Variants in ZFHX3 observed in about 807,000 individuals in gnomAD.
ZFHX3 encodes the protein zinc finger homeobox 3.
Under a neutral mutation model 279.1 loss-of-function variants are expected in ZFHX3, and 42 were observed. The observed-to-expected ratio is 0.15, with a 90% CI of 0.12 to 0.19. The LOEUF (loss-of-function observed/expected upper bound fraction) is 0.19. Among genes scored for constraint, ZFHX3 ranks in the 10% least tolerant of loss-of-function variants. The pLI is 1.00. For synonymous variants in ZFHX3, 2,293 were observed against 1,957.8 expected, an observed-to-expected ratio of 1.17 and a Z score of -4.52; for missense variants, 4,981 against 4,754.0, an observed-to-expected ratio of 1.05 and a Z score of -1.40.
intron 1 of ZFHX3, among the ~76,000 whole-genome samples, chr16:73,040,990 C>T (rs745954281): frequency 6.6e-6 from 1 of 152,178 alleles, no homozygotes; most frequent in African/African-American, 2.4e-5. Flanking sequence ...GGTGTAAGGC[C>T]CATAGCAGAG....
intron 1 of ZFHX3, among the ~76,000 whole-genome samples, chr16:73,738,381 T>C (rs1194959068): frequency 6.6e-6 from 1 of 152,182 alleles, no homozygotes; most frequent in African/African-American, 2.4e-5. Context: ...GCGACTAAAA[T>C]GAGCTGAAGC....
At chr16:73,482,916 T>G (rs1438850625) in intron 2 of ZFHX3, among the ~76,000 whole-genome samples, 3 of 152,194 alleles carry the variant, frequency 2.0e-5, no homozygotes, top group African/African-American at 7.2e-5. Context: ...GTCAATAAAA[T>G]TAGCAGCTTG....
intron 2 of ZFHX3, among the ~76,000 whole-genome samples, chr16:73,595,934 T>C (rs1380737817): frequency 1.3e-5 from 2 of 152,202 alleles, no homozygotes; most frequent in African/African-American, 4.8e-5. Context: ...CTATTTCCAC[T>C]GCCCTATGCC....
At chr16:73,712,906 T>C (rs1036298318) in intron 1 of ZFHX3, among the ~76,000 whole-genome samples, 8 of 152,174 alleles carry the variant, frequency 5.3e-5, no homozygotes, top group African/African-American at 1.9e-4. Context: ...TTGCGCTAGC[T>C]TGAGGTCCTA....
At chr16:72,945,304 C>T (rs1439238736) in intron 3 of ZFHX3, among the ~76,000 whole-genome samples, 1 of 152,164 alleles carries the variant, frequency 6.6e-6, no homozygotes, top group Non-Finnish European at 1.5e-5. Context: ...CAAGCCCTGC[C>T]CCCCAAACTA....
intron 6 of ZFHX3, among the ~76,000 whole-genome samples, chr16:73,141,173 T>C (rs1966846959): frequency 6.6e-6 from 1 of 152,202 alleles, no homozygotes; most frequent in African/African-American, 2.4e-5. Context: ...GTTTGCCGAC[T>C]GGGTGAATGG....
At chr16:73,800,499 G>A (rs1180962705) in intron 1 of ZFHX3, among the ~76,000 whole-genome samples, 2 of 152,136 alleles carry the variant, frequency 1.3e-5, no homozygotes, top group Non-Finnish European at 2.9e-5. Flanking sequence ...TTACAGGCAT[G>A]AGCCACCGTG....
At chr16:73,426,919 T>C (rs1179357955) in intron 3 of ZFHX3, among the ~76,000 whole-genome samples, 1 of 152,128 alleles carries the variant, frequency 6.6e-6, no homozygotes, top group East Asian at 1.9e-4. Flanking sequence ...GTCAACGTGT[T>C]GATTATTCTG....
At chr16:73,538,142 T>A (rs1597373920) in intron 2 of ZFHX3, among the ~76,000 whole-genome samples, 1 of 152,186 alleles carries the variant, frequency 6.6e-6, no homozygotes, top group African/African-American at 2.4e-5. Context: ...ACGCAGCACC[T>A]CATCACGGCA....
Position 73,088,902 on chromosome 16 carries a change from T to A in ZFHX3, c.-533+4333A>T, listed in dbSNP as rs192175340. ...GAAAGGGAAGTCAGACTGTTTAGTATCCATGGTGGGGGTCCAGGGCAGGTG... is the reference window on the plus strand; with the variant it reads ...GAAAGGGAAGTCAGACTGTTTAGTAACCATGGTGGGGGTCCAGGGCAGGTG... On this transcript the variant is annotated intron_variant, in intron 8 of 17. Coordinates refer to the ZFHX3 transcript ENST00000641206. Among the ~76,000 whole-genome samples the A allele has an allele frequency of 2.4e-3, 361 of 152,156 alleles. 1 individual carries two copies. Among genetic ancestry groups the A allele is most frequent in the South Asian group, 4.2e-3 (20 of 4,808 alleles).
At chr16:73,673,043 G>C (rs1446233069) in intron 2 of ZFHX3, among the ~76,000 whole-genome samples, 1 of 152,098 alleles carries the variant, frequency 6.6e-6, no homozygotes, top group Non-Finnish European at 1.5e-5. Context: ...ACTCCCATCA[G>C]TCTACATTTG....
intron 1 of ZFHX3, among the ~76,000 whole-genome samples, chr16:73,680,689 T>A (rs1411607831): frequency 6.6e-6 from 1 of 152,044 alleles, no homozygotes; most frequent in Admixed American, 6.6e-5. Flanking sequence ...TAGACAGAGG[T>A]CCTAAGTTGA....
intron 5 of ZFHX3, among the ~76,000 whole-genome samples, chr16:73,234,205 G>A (rs1455571716): frequency 6.6e-6 from 1 of 152,168 alleles, no homozygotes; most frequent in Non-Finnish European, 1.5e-5. Context: ...AATGCTGCAA[G>A]GCAGACAGTC....
chr16:73,530,167 AAG>A (rs761628599), intron 2 of ZFHX3, among the ~76,000 whole-genome samples: 1 of 152,170 alleles, frequency 6.6e-6, no homozygotes, highest in African/African-American at 2.4e-5. Context: ...GGTGGCAGGC[AAG>A]AGAGAGAATG....
rs1555514271 is a variant in ZFHX3, at chr16:72,784,314, T to TAAAG, written c.*2846_*2849dup. On this transcript the variant is annotated 3_prime_UTR_variant, in exon 10 of 10. Coordinates refer to ENST00000268489, the MANE Select transcript of ZFHX3 (RefSeq NM_006885.4). Reference sequence around the variant, plus strand: ...CATCAGGGAGGGGGCAGCAAAATTATAAAGAAAAGAACTTAAAAGTTGAGG... The same window carrying TAAAG: ...CATCAGGGAGGGGGCAGCAAAATTATAAAGAAAGAAAAGAACTTAAAAGTTGAGG... 1 of 146,968 alleles carries TAAAG rather than the reference T, an allele frequency of 6.8e-6. No homozygotes were observed. The highest frequency in any genetic ancestry group is 1.5e-5 in the Non-Finnish European group (1 of 66,738). The allele number at this position is 146,968 out of a possible 1,614,324, so 9.1% of individuals were successfully genotyped here. A position where few individuals can be genotyped will look rare whatever the true frequency, so the allele number is the denominator to read the frequency against.
At position 73,717,506 on chromosome 16, in the gene ZFHX3, C is replaced by A. The variant is rs2053427430; in HGVS notation, c.-1607-37266G>T. On this transcript the variant is annotated intron_variant, in intron 1 of 17. Transcript: ENST00000641206. ...CCTCAAATATTTCTTAAGATGAGAA[C>A]AAGCCTCTTAGAAATCACATGGAAA... 1.3e-5 allele frequency among the ~76,000 whole-genome samples: 2 copies of A among 152,116 alleles called. 1 individual carries two copies. The highest frequency in any genetic ancestry group is 1.3e-4 in the Admixed American group (2 of 15,280).
At chr16:73,019,615 T>C (rs1165652953) in intron 1 of ZFHX3, among the ~76,000 whole-genome samples, 1 of 152,146 alleles carries the variant, frequency 6.6e-6, no homozygotes, top group Non-Finnish European at 1.5e-5. Flanking sequence ...ACCTTCACCC[T>C]GAGATGCACA....
chr16:73,600,271 T>C (rs2052097735), intron 2 of ZFHX3, among the ~76,000 whole-genome samples: 1 of 152,176 alleles, frequency 6.6e-6, no homozygotes, highest in East Asian at 1.9e-4. Context: ...GAAGAAATCA[T>C]GAGAAACTTC....
chr16:73,085,436 G>A (rs1336344983), intron 8 of ZFHX3, among the ~76,000 whole-genome samples: 1 of 152,012 alleles, frequency 6.6e-6, no homozygotes, highest in Non-Finnish European at 1.5e-5. Context: ...TTTAGAGATG[G>A]GGTTTCACTA....
Sources: gnomAD v4.1 joint callset for allele counts (sites outside exome capture counted in the v4.1 genomes callset) on GRCh38, gnomAD v4.1.1 for gene constraint, MANE v1.5 for transcripts, NCBI Gene and HGNC (gene_info 2026-07-23, HGNC 2026-07-21) for gene names.